Variants in KIF25 observed in about 807,000 individuals in gnomAD.
The protein encoded by KIF25 is kinesin-like protein KIF25.
A neutral mutation model predicts 32.9 loss-of-function variants in KIF25; 19 were observed. That is an observed-to-expected ratio of 0.58 (90% CI 0.40 to 0.85). KIF25 has a LOEUF of 0.85. Among genes scored for constraint, KIF25 ranks in the 40% least tolerant of loss-of-function variants. KIF25 has a pLI of 0.00. For missense variants in KIF25, 485 were observed against 507.0 expected (o/e 0.96, Z 0.42); for synonymous variants, 225 against 213.7 (o/e 1.05, Z -0.46).
chr6:168,034,141 A>G (rs891376160), intron 8 of KIF25, 110 bp downstream of exon 8: 2 of 1,130,426 alleles, frequency 1.8e-6, no homozygotes, highest in Non-Finnish European at 2.6e-6. Context: ...AAGGTGATCA[A>G]ACCCCATAAT....
At chr6:168,020,128 T>TCAAACAAA (rs58439453) in intron 5 of KIF25, among the ~76,000 whole-genome samples, 22,994 of 150,250 alleles carry the variant, frequency 0.15, 2,084 homozygotes, top group East Asian at 0.23. Flanking sequence ...AGACTCCATC[T>TCAAACAAA]CAAACAAACA....
At chr6:168,035,797 C>T (rs980425184) in intron 8 of KIF25, 8 of 456,086 alleles carry the variant, frequency 1.8e-5, no homozygotes, top group Non-Finnish European at 3.5e-5. Flanking sequence ...AATCTCTGCT[C>T]TTCCAAGTGA....
intron 4 of KIF25, among the ~76,000 whole-genome samples, chr6:168,012,250 T>C (rs1350515502): frequency 6.6e-6 from 1 of 152,260 alleles, no homozygotes; most frequent in Non-Finnish European, 1.5e-5. Context: ...CATATTTCCC[T>C]GCTTTTTCAT....
intron 8 of KIF25, among the ~76,000 whole-genome samples, chr6:168,036,493 G>A (rs1799027979): frequency 6.6e-6 from 1 of 152,230 alleles, no homozygotes; most frequent in East Asian, 1.9e-4. Context: ...TTGCGTGTGT[G>A]CCTCGCCTTC....
At chr6:168,017,039 C>A (rs1308754725) in intron 4 of KIF25, among the ~76,000 whole-genome samples, 1 of 152,270 alleles carries the variant, frequency 6.6e-6, no homozygotes, top group Admixed American at 6.5e-5. Context: ...GGAGACCTCA[C>A]AGAATCCAGA....
At chr6:168,026,914 G>A (rs1180076922) in intron 5 of KIF25, among the ~76,000 whole-genome samples, 2 of 152,154 alleles carry the variant, frequency 1.3e-5, no homozygotes, top group African/African-American at 2.4e-5. Context: ...TTCTATAGTC[G>A]TTCAAGTTCA....
intron 5 of KIF25, among the ~76,000 whole-genome samples, chr6:168,019,320 A>G (rs1246007729): frequency 6.6e-6 from 1 of 152,268 alleles, no homozygotes; most frequent in African/African-American, 2.4e-5. Flanking sequence ...TAGAGCGAGA[A>G]ATAACACAAA....
At chr6:167,999,609 C>T (rs1200483380) in intron 2 of KIF25, among the ~76,000 whole-genome samples, 5 of 152,152 alleles carry the variant, frequency 3.3e-5, no homozygotes, top group African/African-American at 9.7e-5. Context: ...TTTGCCTCTG[C>T]GGGGTCCGAC....
intron 5 of KIF25, among the ~76,000 whole-genome samples, chr6:168,019,008 C>T (rs1174952151): frequency 2.0e-5 from 3 of 152,174 alleles, no homozygotes; most frequent in Admixed American, 1.3e-4. Context: ...TGAGTGCTCC[C>T]GCCGGGGCAG....
chr6:168,003,733 A>C (rs116701125), intron 4 of KIF25, 30 bp downstream of exon 4: 10 of 152,344 alleles, frequency 6.6e-5, no homozygotes, highest in Admixed American at 3.9e-4. Context: ...ACAGATCCCT[A>C]CAATGGAGAG....
chr6:168,040,043 C>A (rs1203099527), intron 9 of KIF25, 22 bp from the exon 10 acceptor site: 1 of 1,602,522 alleles, frequency 6.2e-7, no homozygotes, highest in Non-Finnish European at 8.5e-7. Context: ...ACTGTGTTCC[C>A]CACTGCTTGC....
intron 3 of KIF25, among the ~76,000 whole-genome samples, chr6:168,003,113 G>A (rs937373797): frequency 1.3e-5 from 2 of 152,196 alleles, no homozygotes; most frequent in East Asian, 3.9e-4. Context: ...CCAGGGATTT[G>A]GGACCCTTGT....
At chr6:168,032,388 C>T (rs1798954265) in intron 7 of KIF25, among the ~76,000 whole-genome samples, 1 of 152,218 alleles carries the variant, frequency 6.6e-6, no homozygotes, top group Non-Finnish European at 1.5e-5. Context: ...AAGATATTCT[C>T]CACACAAAGA....
At chr6:168,035,854 TTTG>T in intron 8 of KIF25, 1 of 441,038 alleles carries the variant, frequency 2.3e-6, no homozygotes, top group Non-Finnish European at 4.7e-6. Context: ...ACCTTCGTCG[TTTG>T]CAGAAACGAG....
intron 2 of KIF25, among the ~76,000 whole-genome samples, chr6:168,001,221 A>G (rs930286972): frequency 6.6e-6 from 1 of 152,142 alleles, no homozygotes; most frequent in African/African-American, 2.4e-5. Flanking sequence ...CATATTTTCG[A>G]ATGTTCGTGT....
At chr6:168,008,315 A>G (rs1427990580) in intron 4 of KIF25, among the ~76,000 whole-genome samples, 1 of 152,166 alleles carries the variant, frequency 6.6e-6, no homozygotes, top group Non-Finnish European at 1.5e-5. Flanking sequence ...TCCTAGTACC[A>G]TTTATTGAAG....
At position 168,042,224 on chromosome 6, in the gene KIF25, A is replaced by C. The variant is rs1391219189; in HGVS notation, c.829+73A>C. On this transcript the variant is annotated intron_variant, in intron 11 of 12. Coordinates refer to ENST00000643607, the MANE Select transcript of KIF25 (RefSeq NM_030615.4). ...TATGATCTGATGGAGCTGGATGTGCAACCAGGCAGCCCGGGAAGCTCTGGG... is the reference window on the plus strand; with the variant it reads ...TATGATCTGATGGAGCTGGATGTGCCACCAGGCAGCCCGGGAAGCTCTGGG... The C allele has an allele frequency of 7.0e-6, 10 of 1,430,186 alleles. 1 individual carries two copies. In the South Asian group the frequency reaches 1.1e-4, roughly 15 times the overall value. The allele number at this position is 1,430,186 out of a possible 1,614,324, so 88.6% of individuals were successfully genotyped here.
rs190773100 is a variant in KIF25 at position 168,038,749 on chromosome 6, C to G, written c.494+20C>G. 92 of 1,607,432 alleles carry G rather than the reference C, an allele frequency of 5.7e-5. No homozygotes were observed. The Admixed American group carries it at 1.4e-3, about 25-fold the overall frequency. On this transcript the variant is annotated intron_variant, in intron 9 of 12. Transcript: ENST00000643607. ...CTCTGAGTGAGTACTGCACCTGCCC[C>G]GTGCTGCTGGCCTCTGAGTGAGAAT...
At chr6:168,029,359 A>G (rs1798907460) in intron 5 of KIF25, 133 bp from the exon 6 acceptor site, 4 of 602,406 alleles carry the variant, frequency 6.6e-6, no homozygotes. Context: ...CACCAGCTGG[A>G]AAAAGTAACT....
Sources: gnomAD v4.1 joint callset for allele counts (sites outside exome capture counted in the v4.1 genomes callset) on GRCh38, gnomAD v4.1.1 for gene constraint, MANE v1.5 for transcripts, NCBI Gene and HGNC (gene_info 2026-07-23, HGNC 2026-07-21) for gene names.